CMIP: variants seen among roughly 807,000 people sequenced by gnomAD.
CMIP encodes C-Maf-inducing protein.
A neutral mutation model predicts 97.3 loss-of-function variants in CMIP; 13 were observed. The ratio of observed to expected loss-of-function variants is 0.13; its 90% confidence interval spans 0.09 to 0.21. CMIP has a LOEUF of 0.21. Ranked by LOEUF, CMIP falls within the 10% of genes least tolerant of loss-of-function variation. The pLI is 1.00. For synonymous variants in CMIP, 538 were observed against 436.3 expected (o/e 1.23, Z -2.91); for missense variants, 847 against 1,024.9 (o/e 0.83, Z 2.37).
At chr16:81,516,554 A>G (rs977004617) in intron 1 of CMIP, among the ~76,000 whole-genome samples, 13 of 152,000 alleles carry the variant, frequency 8.6e-5, no homozygotes, top group Non-Finnish European at 1.8e-4. Context: ...TGCCTTCAGG[A>G]CTCAGCTCAT....
chr16:81,618,171 C>T (rs1006079806), intron 2 of CMIP, among the ~76,000 whole-genome samples: 4 of 152,136 alleles, frequency 2.6e-5, no homozygotes, highest in Admixed American at 6.5e-5. Context: ...TCTTATGGTT[C>T]TGGAGGTCCG....
At chr16:81,452,613 A>C (rs1222513976) in intron 1 of CMIP, among the ~76,000 whole-genome samples, 2 of 152,112 alleles carry the variant, frequency 1.3e-5, no homozygotes, top group Non-Finnish European at 2.9e-5. Flanking sequence ...CAGGGGGAAG[A>C]GCGTTCCAGG....
intron 1 of CMIP, among the ~76,000 whole-genome samples, chr16:81,583,272 A>G (rs2091326459): frequency 6.6e-6 from 1 of 152,188 alleles, no homozygotes; most frequent in Admixed American, 6.5e-5. Context: ...GTCTGTGCGA[A>G]TGTCCCCACC....
chr16:81,584,619 A>G (rs1347531214), intron 1 of CMIP, among the ~76,000 whole-genome samples: 1 of 152,138 alleles, frequency 6.6e-6, no homozygotes, highest in Admixed American at 6.5e-5. Context: ...GTCCCACATA[A>G]TGACAGGAGC....
chr16:81,543,463 C>T (rs372602007), intron 1 of CMIP, among the ~76,000 whole-genome samples: 6 of 152,290 alleles, frequency 3.9e-5, no homozygotes, highest in South Asian at 2.1e-4. Context: ...CTCCCTGCTG[C>T]GTCCTGGGCC....
intron 1 of CMIP, among the ~76,000 whole-genome samples, chr16:81,480,851 G>A (rs776022650): frequency 6.6e-6 from 1 of 152,192 alleles, no homozygotes; most frequent in Non-Finnish European, 1.5e-5. Flanking sequence ...CATGGAGGGA[G>A]TCTCCCCTTG....
At chr16:81,549,073 G>A (rs372566754) in intron 1 of CMIP, among the ~76,000 whole-genome samples, 2 of 152,344 alleles carry the variant, frequency 1.3e-5, no homozygotes, top group East Asian at 1.9e-4. Context: ...AGGCTTAGGT[G>A]GAAAGGGCGT....
intron 1 of CMIP, among the ~76,000 whole-genome samples, chr16:81,556,931 C>T (rs539792970): frequency 5.3e-5 from 8 of 152,238 alleles, no homozygotes; most frequent in Non-Finnish European, 7.4e-5. Context: ...GCCAAGGAGG[C>T]GCGATGACTC....
chr16:81,494,171 G>A (rs2150769459), intron 1 of CMIP, among the ~76,000 whole-genome samples: 1 of 152,256 alleles, frequency 6.6e-6, no homozygotes, highest in African/African-American at 2.4e-5. Flanking sequence ...GGGAATCGGG[G>A]GCAGTTACCG....
chr16:81,522,875 TAC>T (rs150905297), intron 1 of CMIP, among the ~76,000 whole-genome samples: 3 of 152,000 alleles, frequency 2.0e-5, no homozygotes, highest in Non-Finnish European at 2.9e-5. Context: ...AAAATATTTT[TAC>T]ACACACACAC....
At chr16:81,590,232 T>C (rs892740867) in intron 1 of CMIP, among the ~76,000 whole-genome samples, 1 of 151,808 alleles carries the variant, frequency 6.6e-6, no homozygotes, top group Non-Finnish European at 1.5e-5. Flanking sequence ...TCCCATTCTT[T>C]TCCTCCCTCC....
At chr16:81,525,794 G>C (rs577990204) in intron 1 of CMIP, among the ~76,000 whole-genome samples, 1 of 152,250 alleles carries the variant, frequency 6.6e-6, no homozygotes, top group Admixed American at 6.5e-5. Context: ...CCGACCCCTG[G>C]CAATCACTTT....
At chr16:81,530,640 G>A (rs1305781333) in intron 1 of CMIP, among the ~76,000 whole-genome samples, 2 of 151,874 alleles carry the variant, frequency 1.3e-5, no homozygotes, top group Non-Finnish European at 2.9e-5. Flanking sequence ...AGCCTCTCCC[G>A]CCCGCCTCCC....
Position 81,469,398 on chromosome 16 carries a change from G to A in CMIP, c.300+23857G>A, listed in dbSNP as rs78467650. Among the ~76,000 whole-genome samples, 374 of 152,310 alleles carry A rather than the reference G, an allele frequency of 2.5e-3. 2 individuals are homozygous for A. The highest frequency in any genetic ancestry group is 8.2e-3 in the African/African-American group (341 of 41,556). ...TCATCAGTACAATGGGGCAGATAGC[G>A]GTACCAACTCCATGGGCTTCTGTGA... On this transcript the variant is annotated intron_variant, in intron 1 of 20. Transcript: ENST00000537098.
chr16:81,691,972 G>A (rs1402483347), intron 11 of CMIP, 132 bp downstream of exon 11: 1 of 777,698 alleles, frequency 1.3e-6, no homozygotes, highest in Non-Finnish European at 2.2e-6. Context: ...GGAGACGTCG[G>A]TACCAGCTCA....
chr16:81,549,443 A>G (rs2090611285), intron 1 of CMIP, among the ~76,000 whole-genome samples: 1 of 152,162 alleles, frequency 6.6e-6, no homozygotes. Flanking sequence ...CTCCTTGGGC[A>G]GATAGCTGCC....
chr16:81,569,046 G>A (rs2091035333), intron 1 of CMIP, among the ~76,000 whole-genome samples: 1 of 152,222 alleles, frequency 6.6e-6, no homozygotes, highest in South Asian at 2.1e-4. Flanking sequence ...AGAACTCGCA[G>A]AGGTTTAAAT....
intron 1 of CMIP, chr16:81,476,195 C>A: frequency 2.3e-6 from 3 of 1,299,848 alleles, no homozygotes; most frequent in Non-Finnish European, 3.3e-6. Flanking sequence ...AACTGGGAAC[C>A]GTTTGTGTTG....
intron 1 of CMIP, among the ~76,000 whole-genome samples, chr16:81,512,596 A>G (rs1364072745): frequency 6.6e-6 from 1 of 152,218 alleles, no homozygotes; most frequent in Admixed American, 6.5e-5. Flanking sequence ...CTTTGTATCA[A>G]GTTTAGAGTA....
Sources: allele counts gnomAD v4.1 joint callset (sites outside exome capture counted in the v4.1 genomes callset), GRCh38; gene constraint gnomAD v4.1.1; transcripts MANE v1.5; gene names NCBI Gene and HGNC (gene_info 2026-07-23, HGNC 2026-07-21).